Variants in IPO11 observed in about 807,000 individuals in gnomAD.
The protein encoded by IPO11 is importin-11.
IPO11 carries 66 observed loss-of-function variants against 143.2 expected under a neutral mutation model. The observed-to-expected ratio is 0.46, with a 90% CI of 0.38 to 0.57. IPO11 has a LOEUF of 0.57. Ranked by LOEUF, IPO11 falls within the 20% of genes least tolerant of loss-of-function variation. The pLI is 0.00. For missense variants in IPO11, 1,026 were observed against 1,141.0 expected (o/e 0.90, Z 1.45); for synonymous variants, 385 against 377.8 (o/e 1.02, Z -0.22).
In IPO11 at chr5:62,520,150, T is replaced by C. The variant is rs1461798755; in HGVS notation, c.1896+4649T>C. Among the ~76,000 whole-genome samples the C allele has an allele frequency of 3.9e-5, 6 of 152,328 alleles. No homozygotes were observed. The East Asian group carries it at 9.6e-4, about 24-fold the overall frequency. ...TCTAAGGTCAGTTGATGTGGGACTT[T>C]AATTACATCTGTAAATTATTTCTTC... On this transcript the variant is annotated intron_variant, in intron 20 of 29. Transcript: ENST00000325324.
intron 12 of IPO11, 54 bp from the exon 13 acceptor site, chr5:62,487,716 AG>A: frequency 3.6e-6 from 5 of 1,390,132 alleles, no homozygotes; most frequent in Non-Finnish European, 4.7e-6. Context: ...TTAAAGAATT[AG>A]TCAATATAGT....
chr5:62,592,618 ATT>A (rs1339502502), intron 28 of IPO11, among the ~76,000 whole-genome samples: 2 of 152,154 alleles, frequency 1.3e-5, no homozygotes, highest in African/African-American at 4.8e-5. Context: ...AGACTGGGTA[ATT>A]TATAAAGGAA....
chr5:62,550,408 A>C lies in IPO11; in HGVS notation c.2292A>C (p.Pro764=). Residue 764 remains proline (P), a synonymous_variant, in exon 25 of 30, where the codon CCA becomes CCC. Coordinates refer to ENST00000325324, the MANE Select transcript of IPO11 (RefSeq NM_016338.5). ...TTAAAGTGAACCCAATACTAGGTCC[A>C]CAAATGTTTCAACCGATTTTACCCT... ...NALKVNPILG[P]QMFQPILPYV... 6.2e-7 allele frequency: 1 copy of C among 1,613,406 alleles called. No individual in the cohort carries two copies.
In IPO11 at chr5:62,586,769, AT is replaced by A. The variant is rs1392302083; in HGVS notation, c.2583-4807del. On this transcript the variant is annotated intron_variant, in intron 27 of 29. Transcript: ENST00000325324. Reference sequence around the variant, plus strand: ...TCAGTCTCCAAAAAAAAAAAAAAAAATATATATATATATATATATATATATA... The same window carrying A: ...TCAGTCTCCAAAAAAAAAAAAAAAAAATATATATATATATATATATATATA... Among the ~76,000 whole-genome samples, 162 of 47,736 alleles carry A rather than the reference AT, an allele frequency of 3.4e-3. 1 individual carries two copies. Among genetic ancestry groups the A allele is most frequent in the African/African-American group, 0.014 (138 of 9,828 alleles). The allele number at this position is 47,736 out of a possible 152,430, so 31.3% of individuals were successfully genotyped here.
chr5:62,422,847 A>G (rs950475870), intron 1 of IPO11, among the ~76,000 whole-genome samples: 9 of 152,174 alleles, frequency 5.9e-5, no homozygotes, highest in Admixed American at 1.3e-4. Flanking sequence ...ACTATAAAAT[A>G]TGCTTCACAA....
intron 28 of IPO11, among the ~76,000 whole-genome samples, chr5:62,594,135 A>G (rs146430281): frequency 6.6e-6 from 1 of 152,240 alleles, no homozygotes; most frequent in Non-Finnish European, 1.5e-5. Context: ...CTTCACCTAC[A>G]TCAGTAGTGT....
chr5:62,512,047 C>G (rs1211174656), intron 19 of IPO11, among the ~76,000 whole-genome samples: 4 of 152,308 alleles, frequency 2.6e-5, no homozygotes, highest in East Asian at 3.9e-4. Flanking sequence ...CCACAGAGCA[C>G]TCATCTGGCT....
chr5:62,624,088 G>A (rs544169451), intron 29 of IPO11, among the ~76,000 whole-genome samples: 2 of 152,020 alleles, frequency 1.3e-5, no homozygotes, highest in South Asian at 4.2e-4. Flanking sequence ...AGGCTGGAGT[G>A]CAATGGCATG....
At chr5:62,443,417 G>A (rs1744578025) in intron 3 of IPO11, 2 of 168,962 alleles carry the variant, frequency 1.2e-5, no homozygotes, top group Non-Finnish European at 2.5e-5. Context: ...GTGTGTGTGT[G>A]TGTGCGTGTG....
intron 29 of IPO11, among the ~76,000 whole-genome samples, chr5:62,606,349 G>A (rs989371506): frequency 4.0e-5 from 6 of 151,488 alleles, no homozygotes; most frequent in Non-Finnish European, 8.8e-5. Flanking sequence ...GCATGATGGC[G>A]TGCATCTGTA....
At chr5:62,461,876 A>G (rs978773091) in intron 5 of IPO11, among the ~76,000 whole-genome samples, 2 of 152,202 alleles carry the variant, frequency 1.3e-5, no homozygotes, top group African/African-American at 4.8e-5. Flanking sequence ...AACATCTCAA[A>G]TGTGAAAATC....
At chr5:62,618,843 C>T (rs1746240596) in intron 29 of IPO11, among the ~76,000 whole-genome samples, 1 of 152,082 alleles carries the variant, frequency 6.6e-6, no homozygotes, top group Non-Finnish European at 1.5e-5. Flanking sequence ...CCCAAAAGCC[C>T]CTCTCCTCAA....
At chr5:62,429,143 G>C (rs921637270) in intron 1 of IPO11, among the ~76,000 whole-genome samples, 1 of 152,170 alleles carries the variant, frequency 6.6e-6, no homozygotes, top group Non-Finnish European at 1.5e-5. Flanking sequence ...CATTTTCATC[G>C]TTCCAAATAG....
At chr5:62,426,195 T>C (rs1023902265) in intron 1 of IPO11, among the ~76,000 whole-genome samples, 2 of 152,234 alleles carry the variant, frequency 1.3e-5, no homozygotes, top group African/African-American at 4.8e-5. Flanking sequence ...AAGACCAGCC[T>C]ACCCAACATG....
chr5:62,593,461 C>T (rs571649882), intron 28 of IPO11, among the ~76,000 whole-genome samples: 1 of 152,088 alleles, frequency 6.6e-6, no homozygotes, highest in South Asian at 2.1e-4. Flanking sequence ...CCAGCCTGGC[C>T]AACATGGGGA....
intron 29 of IPO11, among the ~76,000 whole-genome samples, chr5:62,606,491 A>AAG: frequency 6.7e-6 from 1 of 149,384 alleles, no homozygotes; most frequent in East Asian, 2.0e-4. Context: ...AAAAAAAAAA[A>AAG]AAAAAAAAAA....
intron 3 of IPO11, among the ~76,000 whole-genome samples, chr5:62,448,940 T>G (rs1744813599): frequency 6.6e-6 from 1 of 152,188 alleles, no homozygotes; most frequent in Non-Finnish European, 1.5e-5. Context: ...ATGCTATTGT[T>G]GTTGTGTGCT....
chr5:62,513,414 A>ACCC (rs566338445), intron 19 of IPO11, among the ~76,000 whole-genome samples: 1,184 of 50,958 alleles, frequency 0.023, 109 homozygotes, highest in East Asian at 0.042. Flanking sequence ...GGGGGCGCTG[A>ACCC]CCCCCCCCCC....
chr5:62,565,548 A>C (rs1743906417), intron 27 of IPO11, among the ~76,000 whole-genome samples: 1 of 152,204 alleles, frequency 6.6e-6, no homozygotes, highest in African/African-American at 2.4e-5. Flanking sequence ...GAAAAGAAAC[A>C]AACTAACACC....
Sources: gnomAD v4.1 joint callset for allele counts (sites outside exome capture counted in the v4.1 genomes callset) on GRCh38, gnomAD v4.1.1 for gene constraint, MANE v1.5 for transcripts, NCBI Gene and HGNC (gene_info 2026-07-23, HGNC 2026-07-21) for gene names.